CDH13: variants seen among roughly 807,000 people sequenced by gnomAD.
The protein encoded by CDH13 is cadherin 13.
Under a neutral mutation model 63.8 loss-of-function variants are expected in CDH13, and 24 were observed. The observed-to-expected ratio is 0.38, with a 90% CI of 0.27 to 0.53. CDH13 has a LOEUF of 0.53. Ranked by LOEUF, CDH13 falls within the 20% of genes least tolerant of loss-of-function variation. The probability of loss-of-function intolerance (pLI) is 0.85; values close to 1 mark genes in which losing one functional copy is unlikely to be tolerated. For missense variants in CDH13, 1,049 were observed against 903.1 expected, an observed-to-expected ratio of 1.16 and a Z score of -2.07; for synonymous variants, 503 against 355.3, an observed-to-expected ratio of 1.42 and a Z score of -4.67.
chr16:83,157,170 T>C (rs1222131736), intron 4 of CDH13, among the ~76,000 whole-genome samples: 3 of 152,178 alleles, frequency 2.0e-5, no homozygotes, highest in African/African-American at 4.8e-5. Flanking sequence ...TTTTGATTCT[T>C]AGTTAAATTA....
intron 3 of CDH13, among the ~76,000 whole-genome samples, chr16:83,056,218 C>G (rs529512128): frequency 2.6e-5 from 4 of 152,140 alleles, no homozygotes; most frequent in South Asian, 4.2e-4. Context: ...AGTATAATAA[C>G]AATAGCAAGG....
At chr16:82,933,364 C>G (rs925754223) in intron 2 of CDH13, among the ~76,000 whole-genome samples, 3 of 152,106 alleles carry the variant, frequency 2.0e-5, no homozygotes, top group African/African-American at 7.2e-5. Flanking sequence ...CATTCACTAT[C>G]ATGAGAACAG....
intron 6 of CDH13, among the ~76,000 whole-genome samples, chr16:83,417,096 T>G (rs139663614): frequency 9.9e-5 from 15 of 152,218 alleles, no homozygotes; most frequent in Admixed American, 2.0e-4. Flanking sequence ...GCCACTGTTA[T>G]TATTCCTACT....
At chr16:83,227,456 T>C (rs1240212880) in intron 5 of CDH13, among the ~76,000 whole-genome samples, 1 of 152,108 alleles carries the variant, frequency 6.6e-6, no homozygotes, top group African/African-American at 2.4e-5. Context: ...TGAGTTCCTG[T>C]GGAGCAGGTT....
At chr16:83,571,628 C>T (rs1904631465) in intron 7 of CDH13, among the ~76,000 whole-genome samples, 1 of 152,136 alleles carries the variant, frequency 6.6e-6, no homozygotes, top group South Asian at 2.1e-4. Flanking sequence ...TAATGTAACG[C>T]TGGCATGTGC....
intron 2 of CDH13, among the ~76,000 whole-genome samples, chr16:82,937,027 G>C (rs935622330): frequency 6.6e-6 from 1 of 152,138 alleles, no homozygotes; most frequent in Non-Finnish European, 1.5e-5. Context: ...CTGGTGTTTA[G>C]GTTCTTGTCA....
chr16:83,290,181 C>G (rs1428601530), intron 5 of CDH13, among the ~76,000 whole-genome samples: 5 of 152,294 alleles, frequency 3.3e-5, no homozygotes, highest in African/African-American at 1.2e-4. Context: ...GTGCAATATA[C>G]CATTACGGGA....
chr16:83,485,465 A>G (rs1197239796), intron 6 of CDH13, among the ~76,000 whole-genome samples: 1 of 152,164 alleles, frequency 6.6e-6, no homozygotes, highest in African/African-American at 2.4e-5. Context: ...CTTGTTTGTG[A>G]GTGAACCCAA....
intron 4 of CDH13, among the ~76,000 whole-genome samples, chr16:83,150,827 G>A (rs576854505): frequency 1.3e-5 from 2 of 152,260 alleles, no homozygotes; most frequent in Non-Finnish European, 2.9e-5. Context: ...ATTTTGTGTG[G>A]TGAACAACCT....
At chr16:82,787,291 A>G (rs1235002605) in intron 1 of CDH13, among the ~76,000 whole-genome samples, 4 of 152,184 alleles carry the variant, frequency 2.6e-5, no homozygotes, top group African/African-American at 4.8e-5. Flanking sequence ...ACTGGTTTGT[A>G]TTATACTGTC....
At chr16:83,455,146 C>T (rs2072987710) in intron 6 of CDH13, among the ~76,000 whole-genome samples, 1 of 152,166 alleles carries the variant, frequency 6.6e-6, no homozygotes, top group Non-Finnish European at 1.5e-5. Context: ...GTCTGGATAC[C>T]TAGCAGGTTA....
At chr16:83,633,591 C>T (rs748437670) in intron 8 of CDH13, among the ~76,000 whole-genome samples, 15 of 152,080 alleles carry the variant, frequency 9.9e-5, no homozygotes, top group South Asian at 6.2e-4. Context: ...TCTTACTTTG[C>T]GTCTATCATT....
chr16:83,054,661 A>G (rs1325717476), intron 3 of CDH13, among the ~76,000 whole-genome samples: 1 of 152,204 alleles, frequency 6.6e-6, no homozygotes, highest in Non-Finnish European at 1.5e-5. Flanking sequence ...AAGCAAAACT[A>G]CAGATAAGAG....
intron 1 of CDH13, among the ~76,000 whole-genome samples, chr16:82,828,428 G>A (rs759259102): frequency 1.3e-5 from 2 of 152,074 alleles, no homozygotes; most frequent in Non-Finnish European, 2.9e-5. Flanking sequence ...TACTAGCCTG[G>A]CCAACATAGT....
chr16:83,496,797 C>G (rs2074156290), intron 7 of CDH13, among the ~76,000 whole-genome samples: 1 of 152,132 alleles, frequency 6.6e-6, no homozygotes, highest in African/African-American at 2.4e-5. Flanking sequence ...CTACAATGAA[C>G]TCAAACAAAT....
At chr16:83,198,906 T>C (rs1192570242) in intron 4 of CDH13, among the ~76,000 whole-genome samples, 1 of 152,212 alleles carries the variant, frequency 6.6e-6, no homozygotes, top group Non-Finnish European at 1.5e-5. Flanking sequence ...ATTGTGAAAG[T>C]TGTGAAACTA....
At chr16:83,402,414 A>AG (rs2091982401) in intron 6 of CDH13, among the ~76,000 whole-genome samples, 1 of 152,190 alleles carries the variant, frequency 6.6e-6, no homozygotes. Context: ...GTGACTATCC[A>AG]GGATTCCTTA....
At chr16:82,974,774 T>G (rs1396129552) in intron 2 of CDH13, among the ~76,000 whole-genome samples, 1 of 152,206 alleles carries the variant, frequency 6.6e-6, no homozygotes, top group Non-Finnish European at 1.5e-5. Context: ...GTGGGCAGCA[T>G]GTAGAACATG....
intron 7 of CDH13, among the ~76,000 whole-genome samples, chr16:83,501,226 T>C (rs2074276498): frequency 6.6e-6 from 1 of 152,244 alleles, no homozygotes. Flanking sequence ...AATTTATTTC[T>C]ACCTTTGTGA....
Sources: allele counts gnomAD v4.1 joint callset (sites outside exome capture counted in the v4.1 genomes callset), GRCh38; gene constraint gnomAD v4.1.1; transcripts MANE v1.5; gene names NCBI Gene and HGNC (gene_info 2026-07-23, HGNC 2026-07-21).